PABPN1L: variants seen among roughly 807,000 people sequenced by gnomAD.
PABPN1L encodes the protein embryonic polyadenylate-binding protein 2.
PABPN1L carries 45 observed loss-of-function variants against 34.0 expected under a neutral mutation model. The ratio of observed to expected loss-of-function variants is 1.32; its 90% confidence interval spans 1.04 to 1.70. The LOEUF (loss-of-function observed/expected upper bound fraction) is 1.70, where lower values mean the gene tolerates loss of function less well. PABPN1L is among the 40% of genes most tolerant of loss of function. The pLI, the probability that PABPN1L is intolerant of heterozygous loss-of-function variation, is 0.00. For synonymous variants in PABPN1L, 182 were observed against 152.1 expected (o/e 1.20, Z -1.45); for missense variants, 459 against 367.8 (o/e 1.25, Z -2.03).
upstream of PABPN1L, among the ~76,000 whole-genome samples, chr16:88,867,506 C>T (rs1482073126): frequency 6.6e-6 from 1 of 152,194 alleles, no homozygotes; most frequent in Non-Finnish European, 1.5e-5. Flanking sequence ...GCTGGGATTA[C>T]AGGCGTGAGC....
rs902740390 is a variant in PABPN1L at position 88,865,496 on chromosome 16, C to T, written c.459+67G>A. The T allele has an allele frequency of 1.0e-5, 16 of 1,556,736 alleles. 1 individual carries two copies. Among genetic ancestry groups the T allele is most frequent in the East Asian group, 7.2e-5 (3 of 41,606 alleles). ...CAAGGCTGCCTGGCCCATGGCCGGG[C>T]GCCAGACCCTCTGGTAGAGATGGGG... On this transcript the variant is annotated intron_variant, in intron 3 of 6. Coordinates refer to ENST00000419291, the Ensembl canonical transcript of PABPN1L.
At chr16:88,867,255 TCTTG>T (rs1214178727), upstream of PABPN1L, among the ~76,000 whole-genome samples, 2 of 147,954 alleles carry the variant, frequency 1.4e-5, no homozygotes, top group Non-Finnish European at 3.0e-5. Context: ...TAGGCAGGAG[TCTTG>T]CTTTGTTGCC....
At chr16:88,864,810 C>T (rs965980083) in intron 5 of PABPN1L, 43 bp downstream of exon 5, 2 of 1,539,268 alleles carry the variant, frequency 1.3e-6, no homozygotes, top group African/African-American at 1.4e-5. Context: ...GTGGGCCAGC[C>T]CCTCTGCGCT....
intron 6 of PABPN1L, 149 bp downstream of exon 6, chr16:88,864,088 A>C: frequency 9.0e-7 from 1 of 1,107,344 alleles, no homozygotes; most frequent in South Asian, 1.7e-5. Context: ...CCCCCCCACC[A>C]GCTGATGCAG....
intron 5 of PABPN1L, 49 bp downstream of exon 5, chr16:88,864,804 G>T: frequency 6.6e-7 from 1 of 1,522,728 alleles, no homozygotes; most frequent in Non-Finnish European, 8.9e-7. Flanking sequence ...GGGCCAGTGG[G>T]CCAGCCCCTC....
chr16:88,866,850 G>A (rs1472190193), upstream of PABPN1L, among the ~76,000 whole-genome samples: 1 of 152,252 alleles, frequency 6.6e-6, no homozygotes, highest in Non-Finnish European at 1.5e-5. Flanking sequence ...GCTGAGTTGA[G>A]TGGGGGTCAC....
intron 5 of PABPN1L, 122 bp downstream of exon 5, chr16:88,864,731 C>T: frequency 2.6e-6 from 3 of 1,151,132 alleles, no homozygotes; most frequent in Non-Finnish European, 3.7e-6. Context: ...CCAGGCCCAG[C>T]CAAGCACCGT....
chr16:88,863,417 T>G, exon 7 of PABPN1L: 1 of 464,744 alleles, frequency 2.2e-6, no homozygotes, highest in Non-Finnish European at 3.9e-6. Flanking sequence ...ATGACTTAGT[T>G]GAAGAGCTGA....
rs535795518 is a variant in PABPN1L, at chr16:88,865,208, A to T, written c.460-80T>A. Reference sequence around the variant, plus strand: ...CCTTCTTGTTAGAGGTGAGGAAAGAAACCCCAAGGCTGGGCCCCGTGGCGG... The same window carrying T: ...CCTTCTTGTTAGAGGTGAGGAAAGATACCCCAAGGCTGGGCCCCGTGGCGG... On this transcript the variant is annotated intron_variant, in intron 3 of 6. Coordinates refer to ENST00000419291, the Ensembl canonical transcript of PABPN1L. 17 of 1,443,380 alleles carry T rather than the reference A, an allele frequency of 1.2e-5. No individual in the cohort carries two copies. The South Asian group carries it at 2.0e-4, about 17-fold the overall frequency. 89.4% of individuals were successfully genotyped at this position (1,443,380 alleles called of 1,614,324 possible).
At chr16:88,864,364 T>G (rs1464944927) in exon 6 of PABPN1L, 1 of 1,555,690 alleles carries the variant, frequency 6.4e-7, no homozygotes, top group African/African-American at 1.4e-5. Context: ...GGGAAGTTGG[T>G]TCTTTTCGGC....
exon 7 of PABPN1L, chr16:88,863,535 C>G (rs537127745): frequency 6.2e-6 from 4 of 648,238 alleles, no homozygotes; most frequent in Non-Finnish European, 1.1e-5. Flanking sequence ...GGCTCACCAC[C>G]GGGCCGTGGC....
At chr16:88,868,232 T>C (rs1336869699), upstream of PABPN1L, among the ~76,000 whole-genome samples, 1 of 152,170 alleles carries the variant, frequency 6.6e-6, no homozygotes, top group African/African-American at 2.4e-5. Flanking sequence ...TAGAGGTGTA[T>C]CTTGCCAAGG....
At position 88,865,946 on chromosome 16, in the gene PABPN1L, C is replaced by A; in HGVS notation, c.256-5G>T. On this transcript the variant is annotated splice_region_variant and splice_polypyrimidine_tract_variant and intron_variant, in intron 1 of 6. Coordinates refer to ENST00000419291, the Ensembl canonical transcript of PABPN1L. ...CATCTTGATGGCCTCCAGCTCCTGC[C>A]GACACACGGCCCTGAGCCGGGCAGG... 6.2e-7 allele frequency: 1 copy of A among 1,604,758 alleles called. No individual in the cohort carries two copies. The highest frequency in any genetic ancestry group is 2.2e-5 in the East Asian group (1 of 44,806).
At chr16:88,869,175 T>C (rs1206739173), upstream of PABPN1L, among the ~76,000 whole-genome samples, 1 of 152,230 alleles carries the variant, frequency 6.6e-6, no homozygotes, top group Non-Finnish European at 1.5e-5. Flanking sequence ...TTCTGTTTTC[T>C]TTTCCCACCT....
In PABPN1L at chr16:88,864,332, G is replaced by A. The variant is rs371369710; in HGVS notation, c.702C>T (p.Arg234=). The stretch of plus-strand genomic sequence containing the variant: ...AGCCTGGGTGTCCTCGAAGGCCCCC[G>A]CGGTCTGTGGAGCTGATCCCAGGGA... The change falls in exon 6 of 7, where the codon CGC becomes CGT. Residue 234 remains arginine (R), a synonymous_variant. Transcript: ENST00000419291. The A allele has an allele frequency of 9.1e-5, 141 of 1,555,338 alleles. No individual in the cohort carries two copies. In the African/African-American group the frequency reaches 1.5e-3, roughly 17 times the overall value.
At chr16:88,863,789 A>G (rs1338412870) in exon 7 of PABPN1L, 2 of 1,535,812 alleles carry the variant, frequency 1.3e-6, no homozygotes, top group African/African-American at 2.7e-5. Context: ...AGAATTTTCC[A>G]CGGGCCCTGC....
rs780172548 is a variant in PABPN1L, at chr16:88,865,883, C to T, written c.314G>A (p.Arg105Gln). ...GGCCTGTTGCTGCACTCCTGGAGGC[C>T]GTGGCGTCCCCTCGGCCTGCTCCAT... Residue 105 changes from arginine to glutamine, a missense_variant, in exon 2 of 7, where the codon CGG becomes CAG. Physicochemically the swap from Arg to Gln is conservative, Grantham distance 43. Transcript: ENST00000419291. 40 of 1,609,612 alleles carry T rather than the reference C, an allele frequency of 2.5e-5. No individual in the cohort carries two copies. In the Middle Eastern group the frequency reaches 5.1e-4, roughly 21 times the overall value.
intron 1 of PABPN1L, 71 bp from the exon 2 acceptor site, chr16:88,866,012 T>G (rs1057001843): frequency 2.0e-6 from 3 of 1,486,786 alleles, no homozygotes; most frequent in African/African-American, 2.8e-5. Flanking sequence ...GTGTGTGGCC[T>G]GCCAGCTCCA....
chr16:88,867,692 T>C (rs1811006939), upstream of PABPN1L, among the ~76,000 whole-genome samples: 2 of 152,068 alleles, frequency 1.3e-5, no homozygotes, highest in South Asian at 4.1e-4. Flanking sequence ...CATCCGGTGG[T>C]GTCTGCACCT....
Sources: allele counts gnomAD v4.1 joint callset (sites outside exome capture counted in the v4.1 genomes callset), GRCh38; gene constraint gnomAD v4.1.1; transcripts MANE v1.5; gene names NCBI Gene and HGNC (gene_info 2026-07-23, HGNC 2026-07-21).